The following TAFA2 variants were observed in gnomAD, a reference collection of about 807,000 sequenced individuals.
The protein encoded by TAFA2 is chemokine-like protein TAFA-2.
TAFA2 carries 7 observed loss-of-function variants against 18.8 expected under a neutral mutation model. That is an observed-to-expected ratio of 0.37 (90% confidence interval 0.21 to 0.70). The LOEUF is 0.70. Ranked by LOEUF, TAFA2 falls within the 30% of genes least tolerant of loss-of-function variation. The probability of loss-of-function intolerance (pLI) is 0.53; values close to 1 mark genes in which losing one functional copy is unlikely to be tolerated. For synonymous variants in TAFA2, 60 were observed against 54.2 expected, an observed-to-expected ratio of 1.11 and a Z score of -0.47; for missense variants, 122 against 158.1, an observed-to-expected ratio of 0.77 and a Z score of 1.23.
intron 1 of TAFA2, among the ~76,000 whole-genome samples, chr12:62,237,742 T>C (rs1429167083): frequency 6.6e-6 from 1 of 151,122 alleles, no homozygotes; most frequent in African/African-American, 2.4e-5. Flanking sequence ...GCTGCTTCCT[T>C]TTTGGCATTA....
At chr12:62,221,647 C>T (rs1266051862) in intron 1 of TAFA2, among the ~76,000 whole-genome samples, 1 of 152,020 alleles carries the variant, frequency 6.6e-6, no homozygotes, top group Non-Finnish European at 1.5e-5. Flanking sequence ...TAAAATTGGA[C>T]CCTAACCTCT....
intron 4 of TAFA2, among the ~76,000 whole-genome samples, chr12:61,732,583 C>T (rs1370044443): frequency 6.6e-6 from 1 of 151,942 alleles, no homozygotes; most frequent in Admixed American, 6.6e-5. Flanking sequence ...ACAATGCAGA[C>T]CTCTATTTAT....
At chr12:61,752,860 T>C (rs2120753054) in intron 4 of TAFA2, among the ~76,000 whole-genome samples, 1 of 152,144 alleles carries the variant, frequency 6.6e-6, no homozygotes, top group Admixed American at 6.6e-5. Flanking sequence ...TCTTCAAATA[T>C]TCAACTCTAA....
At chr12:62,171,531 A>T (rs1325684618) in intron 1 of TAFA2, among the ~76,000 whole-genome samples, 1 of 152,060 alleles carries the variant, frequency 6.6e-6, no homozygotes, top group Non-Finnish European at 1.5e-5. Flanking sequence ...AGCCTTTGGG[A>T]TATGATCAGA....
chr12:62,167,515 C>T (rs981495728), intron 1 of TAFA2, among the ~76,000 whole-genome samples: 2 of 152,056 alleles, frequency 1.3e-5, no homozygotes, highest in African/African-American at 4.8e-5. Flanking sequence ...CATTGATATC[C>T]AGGATTTCAA....
chr12:62,105,673 G>A (rs567733676), intron 1 of TAFA2, among the ~76,000 whole-genome samples: 8 of 152,214 alleles, frequency 5.3e-5, no homozygotes, highest in East Asian at 3.9e-4. Flanking sequence ...TCCCAGATAC[G>A]TAGTTCAAAC....
intron 2 of TAFA2, among the ~76,000 whole-genome samples, chr12:61,782,000 CAG>C (rs1870524596): frequency 1.3e-5 from 2 of 151,634 alleles, no homozygotes; most frequent in Non-Finnish European, 3.0e-5. Context: ...CTTCTGATCT[CAG>C]AGTCTCCCTT....
chr12:61,842,308 C>T (rs1413648089), intron 2 of TAFA2, among the ~76,000 whole-genome samples: 4 of 151,980 alleles, frequency 2.6e-5, no homozygotes, highest in Non-Finnish European at 5.9e-5. Flanking sequence ...GGTCAAATGG[C>T]TAATATCAAG....
intron 1 of TAFA2, among the ~76,000 whole-genome samples, chr12:62,121,230 C>T (rs1447007158): frequency 3.3e-5 from 5 of 152,154 alleles, no homozygotes; most frequent in South Asian, 2.1e-4. Flanking sequence ...ATCTCATAAA[C>T]ATATATACAC....
chr12:62,048,066 T>C (rs1032439790), intron 1 of TAFA2, among the ~76,000 whole-genome samples: 1 of 152,242 alleles, frequency 6.6e-6, no homozygotes, highest in Non-Finnish European at 1.5e-5. Flanking sequence ...TAATTCGGAA[T>C]TAATCTTTCA....
chr12:62,116,640 C>T (rs953097400), intron 1 of TAFA2, among the ~76,000 whole-genome samples: 4 of 146,596 alleles, frequency 2.7e-5, no homozygotes, highest in Non-Finnish European at 4.4e-5. Flanking sequence ...TGCTTTCTCA[C>T]GTACATCTGT....
chr12:61,856,593 G>A (rs1463712201), intron 2 of TAFA2, among the ~76,000 whole-genome samples: 3 of 151,968 alleles, frequency 2.0e-5, no homozygotes, highest in South Asian at 2.1e-4. Context: ...ATTTTAACAT[G>A]TATAAATGTT....
intron 4 of TAFA2, among the ~76,000 whole-genome samples, chr12:61,717,532 A>G (rs1051889385): frequency 2.0e-5 from 3 of 152,290 alleles, no homozygotes; most frequent in Admixed American, 2.0e-4. Context: ...TAACACTTTG[A>G]GATATGTTTA....
chr12:62,217,285 T>C (rs916458181), intron 1 of TAFA2, among the ~76,000 whole-genome samples: 1 of 152,204 alleles, frequency 6.6e-6, no homozygotes, highest in African/African-American at 2.4e-5. Flanking sequence ...TAGGAAAAGA[T>C]AATATGTGGA....
At chr12:61,978,943 T>C (rs1426535120) in intron 1 of TAFA2, among the ~76,000 whole-genome samples, 2 of 152,108 alleles carry the variant, frequency 1.3e-5, no homozygotes, top group Non-Finnish European at 2.9e-5. Flanking sequence ...AATGAACACT[T>C]CTGACCGTCT....
Position 61,867,262 on chromosome 12 carries a change from C to G in TAFA2, c.106+58G>C. The G allele has an allele frequency of 5.6e-6, 6 of 1,067,972 alleles. No individual in the cohort carries two copies. The South Asian group carries it at 8.4e-5, about 15-fold the overall frequency. 66.2% of individuals were successfully genotyped at this position (1,067,972 alleles called of 1,614,324 possible). A position where few individuals can be genotyped will look rare whatever the true frequency, so the allele number is the denominator to read the frequency against. On this transcript the variant is annotated intron_variant, in intron 2 of 4. Transcript: ENST00000416284. Reference sequence around the variant, plus strand: ...ACCAGTGGAGGCAAAACATAACAGTCTGTGTTAAGGGTAGTCATCATCCAC... The same window carrying G: ...ACCAGTGGAGGCAAAACATAACAGTGTGTGTTAAGGGTAGTCATCATCCAC...
At chr12:62,239,505 A>G (rs1248779064) in intron 1 of TAFA2, among the ~76,000 whole-genome samples, 1 of 152,182 alleles carries the variant, frequency 6.6e-6, no homozygotes, top group East Asian at 1.9e-4. Context: ...GTTTTGGTGG[A>G]CAATTGTGAC....
At chr12:62,168,468 C>A (rs1387418990) in intron 1 of TAFA2, among the ~76,000 whole-genome samples, 2 of 152,042 alleles carry the variant, frequency 1.3e-5, no homozygotes, top group African/African-American at 2.4e-5. Context: ...TTCTACTGGA[C>A]AAATGACCTA....
At chr12:61,886,366 C>A (rs1875378764) in intron 1 of TAFA2, among the ~76,000 whole-genome samples, 1 of 152,080 alleles carries the variant, frequency 6.6e-6, no homozygotes, top group South Asian at 2.1e-4. Flanking sequence ...TTCTCGCTAC[C>A]ACCCCCCTGC....
Sources: allele counts gnomAD v4.1 joint callset (sites outside exome capture counted in the v4.1 genomes callset), GRCh38; gene constraint gnomAD v4.1.1; transcripts MANE v1.5; gene names NCBI Gene and HGNC (gene_info 2026-07-23, HGNC 2026-07-21).